The following GYS2 variants were observed in gnomAD, a reference collection of about 807,000 sequenced individuals.
GYS2 encodes glycogen synthase 2, also known as glycogen [starch] synthase, liver.
A neutral mutation model predicts 85.6 loss-of-function variants in GYS2; 80 were observed. That is an observed-to-expected ratio of 0.93 (90% CI 0.78 to 1.13). The LOEUF is 1.13. Ranked by LOEUF, GYS2 falls within the 50% of genes most tolerant of loss-of-function variation. GYS2 has a pLI of 0.00. For missense variants in GYS2, 881 were observed against 854.9 expected (o/e 1.03, Z -0.38); for synonymous variants, 328 against 300.7 (o/e 1.09, Z -0.94).
intron 15 of GYS2, among the ~76,000 whole-genome samples, chr12:21,537,805 T>C (rs1342714017): frequency 1.3e-5 from 2 of 152,166 alleles, no homozygotes; most frequent in African/African-American, 4.8e-5. Flanking sequence ...GATACTGAGA[T>C]AACTTATTTG....
At chr12:21,572,040 AG>A (rs1035314185) in intron 4 of GYS2, among the ~76,000 whole-genome samples, 1 of 152,044 alleles carries the variant, frequency 6.6e-6, no homozygotes, top group Non-Finnish European at 1.5e-5. Flanking sequence ...AAGGCTTTAG[AG>A]GAAAAAAAAG....
In GYS2 at chr12:21,557,591, G is replaced by T. The variant is rs146691182; in HGVS notation, c.1422+609C>A. Among the ~76,000 whole-genome samples, 1,306 of 152,190 alleles carry T rather than the reference G, an allele frequency of 8.6e-3. 16 individuals are homozygous for T. Among genetic ancestry groups the T allele is most frequent in the African/African-American group, 0.03 (1,236 of 41,508 alleles). ...CATTCAAATAATTCTTAGAATAATT[G>T]GTATCATTAAAAAGTAAGTAATTTC... On this transcript the variant is annotated intron_variant, in intron 11 of 15. Coordinates refer to ENST00000261195, the MANE Select transcript of GYS2 (RefSeq NM_021957.4).
At chr12:21,567,656 A>C (rs897657036) in intron 5 of GYS2, among the ~76,000 whole-genome samples, 1 of 152,034 alleles carries the variant, frequency 6.6e-6, no homozygotes, top group African/African-American at 2.4e-5. Flanking sequence ...AATTAGGATG[A>C]TTTCGTTGCA....
intron 1 of GYS2, among the ~76,000 whole-genome samples, chr12:21,588,487 A>G (rs1003162062): frequency 2.6e-5 from 4 of 152,254 alleles, no homozygotes; most frequent in African/African-American, 9.6e-5. Context: ...ATAAAGGAGA[A>G]GAGCTAATGT....
In GYS2 at chr12:21,542,650, A is replaced by G. The variant is rs3741841; in HGVS notation, c.1550-59T>C. 168,258 of 1,094,660 alleles carry G rather than the reference A, an allele frequency of 0.15. 14,905 individuals carry two copies. Among genetic ancestry groups the G allele is most frequent in the Middle Eastern group, 0.3 (1,403 of 4,736 alleles). The allele number at this position is 1,094,660 out of a possible 1,614,324, so 67.8% of individuals were successfully genotyped here. A position where few individuals can be genotyped will look rare whatever the true frequency, so the allele number is the denominator to read the frequency against. On this transcript the variant is annotated intron_variant, in intron 12 of 15. Transcript: ENST00000261195. ...GACCAGCGCCTATATCCTTGTATGCACTCAGAGGAGGAAAAGGCCCTAGTC... is the reference window on the plus strand; with the variant it reads ...GACCAGCGCCTATATCCTTGTATGCGCTCAGAGGAGGAAAAGGCCCTAGTC...
chr12:21,568,684 AT>A (rs1473997353), intron 5 of GYS2, among the ~76,000 whole-genome samples, 180 bp downstream of exon 5: 2 of 152,208 alleles, frequency 1.3e-5, no homozygotes, highest in Admixed American at 6.5e-5. Context: ...TGTTCCAGAT[AT>A]AGCTTTGAGT....
chr12:21,574,815 C>G (rs1015065873), intron 3 of GYS2, among the ~76,000 whole-genome samples: 5 of 149,852 alleles, frequency 3.3e-5, no homozygotes, highest in Non-Finnish European at 5.9e-5. Flanking sequence ...AAGAAATGGC[C>G]AGGAAGAGAC....
At chr12:21,540,042 G>C (rs781256636) in intron 14 of GYS2, among the ~76,000 whole-genome samples, 3 of 152,180 alleles carry the variant, frequency 2.0e-5, no homozygotes, top group Non-Finnish European at 4.4e-5. Flanking sequence ...CACTACAGTT[G>C]AGAAATATGA....
chr12:21,589,504 C>A (rs1430150860), intron 1 of GYS2, among the ~76,000 whole-genome samples: 1 of 152,012 alleles, frequency 6.6e-6, no homozygotes, highest in Non-Finnish European at 1.5e-5. Flanking sequence ...CCACAAAGAA[C>A]CAAAATAGTA....
At chr12:21,550,345 ACACACACC>A (rs1591783162) in intron 11 of GYS2, among the ~76,000 whole-genome samples, 2 of 72,468 alleles carry the variant, frequency 2.8e-5, no homozygotes, top group Admixed American at 1.4e-4. Context: ...ACACACACAC[ACACACACC>A]CCTGGTTTTT....
chr12:21,562,602 G>A (rs1030526067), intron 7 of GYS2, among the ~76,000 whole-genome samples: 1 of 147,312 alleles, frequency 6.8e-6, no homozygotes, highest in African/African-American at 2.5e-5. Flanking sequence ...AAACTCATGT[G>A]AGGGAAAAGG....
intron 5 of GYS2, among the ~76,000 whole-genome samples, chr12:21,565,398 TATATATATATATATATATATATATATA>T (rs1243935981): frequency 2.1e-5 from 1 of 47,496 alleles, no homozygotes; most frequent in African/African-American, 6.4e-5. Context: ...GAAATATATA[TATATATATATATATATATATATATATA>T]TATATATATG....
At chr12:21,537,354 A>G (rs2136832001) in intron 15 of GYS2, 179 bp from the exon 16 acceptor site, 1 of 629,390 alleles carries the variant, frequency 1.6e-6, no homozygotes, top group South Asian at 1.9e-5. Flanking sequence ...GATTCATTCA[A>G]TATATAGCTA....
At chr12:21,560,305 G>C in intron 8 of GYS2, 81 bp downstream of exon 8, 1 of 817,932 alleles carries the variant, frequency 1.2e-6, no homozygotes, top group East Asian at 2.4e-5. Flanking sequence ...CAAAGTTCAA[G>C]GCGATACATG....
chr12:21,559,243 A>G, intron 9 of GYS2, 74 bp from the exon 10 acceptor site: 2 of 691,392 alleles, frequency 2.9e-6, no homozygotes, highest in Non-Finnish European at 5.0e-6. Context: ...GCATCAGATT[A>G]TATATTATAT....
chr12:21,576,113 A>T, intron 2 of GYS2, 56 bp from the exon 3 acceptor site: 1 of 1,358,254 alleles, frequency 7.4e-7, no homozygotes, highest in Non-Finnish European at 1.0e-6. Context: ...AGACAGGACA[A>T]TGTATTTGCA....
At chr12:21,577,401 C>T (rs1241866275) in intron 2 of GYS2, among the ~76,000 whole-genome samples, 4 of 152,116 alleles carry the variant, frequency 2.6e-5, no homozygotes, top group Admixed American at 2.0e-4. Context: ...TGGCATTGAC[C>T]TCCAGTCAGT....
chr12:21,591,196 G>A (rs1276962739), intron 1 of GYS2, among the ~76,000 whole-genome samples: 2 of 151,908 alleles, frequency 1.3e-5, no homozygotes, highest in African/African-American at 2.4e-5. Flanking sequence ...TGATATTAAG[G>A]AAGCTCAGTG....
intron 15 of GYS2, among the ~76,000 whole-genome samples, chr12:21,538,286 T>G (rs1943933336): frequency 6.6e-6 from 1 of 152,196 alleles, no homozygotes; most frequent in Non-Finnish European, 1.5e-5. Context: ...ACTTTCTAGA[T>G]CTGTTCCTCT....
Sources: allele counts gnomAD v4.1 joint callset (sites outside exome capture counted in the v4.1 genomes callset), GRCh38; gene constraint gnomAD v4.1.1; transcripts MANE v1.5; gene names NCBI Gene and HGNC (gene_info 2026-07-23, HGNC 2026-07-21).